GLTP: variants seen among roughly 807,000 people sequenced by gnomAD.
The protein encoded by GLTP is glycolipid transfer protein.
GLTP carries 22 observed loss-of-function variants against 24.0 expected under a neutral mutation model. That is an observed-to-expected ratio of 0.92 (90% CI 0.65 to 1.31). The LOEUF is 1.31. Among genes scored for constraint, GLTP ranks in the 50% most tolerant of loss-of-function variants. The pLI is 0.00. For synonymous variants in GLTP, 92 were observed against 115.9 expected (o/e 0.79, Z 1.33); for missense variants, 224 against 276.6 (o/e 0.81, Z 1.35).
intron 1 of GLTP, among the ~76,000 whole-genome samples, chr12:109,868,074 G>A (rs1868602166): frequency 6.6e-6 from 1 of 152,200 alleles, no homozygotes; most frequent in Admixed American, 6.5e-5. Context: ...ACCGCGCCTG[G>A]CCTCACTGCA....
rs764103671 is a variant in GLTP at position 109,852,521 on chromosome 12, C to T, written c.*34G>A. The T allele has an allele frequency of 1.0e-5, 15 of 1,432,170 alleles. 1 individual carries two copies. In the South Asian group the frequency reaches 1.6e-4, roughly 15 times the overall value. The allele number at this position is 1,432,170 out of a possible 1,614,324, so 88.7% of individuals were successfully genotyped here. On this transcript the variant is annotated 3_prime_UTR_variant, in exon 5 of 5. Coordinates refer to ENST00000318348, the MANE Select transcript of GLTP (RefSeq NM_016433.4). Reference sequence around the variant, plus strand: ...TGGTTTGCCTGTTTCTCCATGTGGCCACGAGTCGGGGACGTGTCCAGCAGT... The same window carrying T: ...TGGTTTGCCTGTTTCTCCATGTGGCTACGAGTCGGGGACGTGTCCAGCAGT...
intron 1 of GLTP, among the ~76,000 whole-genome samples, chr12:109,870,700 A>G (rs1283904232): frequency 6.6e-6 from 1 of 152,156 alleles, no homozygotes; most frequent in African/African-American, 2.4e-5. Flanking sequence ...TAGGGGTAAA[A>G]TTAGCAGAAA....
At chr12:109,873,112 T>C (rs977140116) in intron 1 of GLTP, among the ~76,000 whole-genome samples, 1 of 152,086 alleles carries the variant, frequency 6.6e-6, no homozygotes, top group Non-Finnish European at 1.5e-5. Flanking sequence ...AGTGTGGCCC[T>C]GGGAATCCAA....
At position 109,879,469 on chromosome 12, in the gene GLTP, C is replaced by T. The variant is rs540330589; in HGVS notation, c.103+803G>A. On this transcript the variant is annotated intron_variant, in intron 1 of 4. Transcript: ENST00000318348. ...CTGAAAGTGGACCGCCTTCCCAATG[C>T]GCCCAGGAACTTCCACACGACATAC... 6.6e-5 allele frequency among the ~76,000 whole-genome samples: 10 copies of T among 152,250 alleles called. No homozygotes were observed. In the East Asian group the frequency reaches 1.7e-3, roughly 26 times the overall value.
At chr12:109,861,943 C>A (rs1215619530) in intron 1 of GLTP, among the ~76,000 whole-genome samples, 1 of 152,198 alleles carries the variant, frequency 6.6e-6, no homozygotes, top group African/African-American at 2.4e-5. Context: ...TGACCTGTGC[C>A]CCTGCTGCTT....
chr12:109,855,805 T>C lies in GLTP; in HGVS notation c.297-36A>G. On this transcript the variant is annotated intron_variant, in intron 3 of 4. Transcript: ENST00000318348. This position sits in a 1 kb window ranked among gnomAD's most constrained non-coding sequence, Gnocchi z 4.1. The stretch of plus-strand genomic sequence containing the variant: ...GGGAGGAGAAGGTTCGTTAGGACCC[T>C]GCACAGCCCTGTCGTGAAAGACCCT... The C allele has an allele frequency of 6.6e-7, 1 of 1,515,068 alleles. No individual in the cohort carries two copies. Among genetic ancestry groups the C allele is most frequent in the Non-Finnish European group, 8.8e-7 (1 of 1,129,968 alleles). The allele number at this position is 1,515,068 out of a possible 1,614,324, so 93.9% of individuals were successfully genotyped here.
chr12:109,873,816 A>AC (rs1868802949), intron 1 of GLTP, among the ~76,000 whole-genome samples: 1 of 149,804 alleles, frequency 6.7e-6, no homozygotes, highest in South Asian at 2.1e-4. Flanking sequence ...CTCTTAAACA[A>AC]AACACACACA....
Position 109,880,512 on chromosome 12 carries a change from C to G in GLTP, c.-138G>C, listed in dbSNP as rs982463349. 3 of 193,184 alleles carry G rather than the reference C, an allele frequency of 1.6e-5. No individual in the cohort carries two copies. The highest frequency in any genetic ancestry group is 1.5e-4 in the East Asian group (1 of 6,740). 12.0% of individuals were successfully genotyped at this position (193,184 alleles called of 1,614,324 possible). The stretch of plus-strand genomic sequence containing the variant: ...GGGGACGCCAGCGTCGCCACTTCCG[C>G]CCGCACGGCGCCCTCGTAGCCGAGC... On this transcript the variant is annotated 5_prime_UTR_variant, in exon 1 of 5. Coordinates refer to ENST00000318348, the MANE Select transcript of GLTP (RefSeq NM_016433.4). This position sits in a 1 kb window ranked among gnomAD's most constrained non-coding sequence, Gnocchi z 5.1.
chr12:109,854,655 G>A (rs1892773382), intron 4 of GLTP, among the ~76,000 whole-genome samples: 1 of 152,180 alleles, frequency 6.6e-6, no homozygotes, highest in Non-Finnish European at 1.5e-5. Flanking sequence ...TACAATTCAT[G>A]GGCAGCTGCC....
Position 109,851,584 on chromosome 12 carries a change from A to C in GLTP, c.*971T>G, listed in dbSNP as rs1309497251. 3.3e-5 allele frequency: 5 copies of C among 152,106 alleles called. No individual in the cohort carries two copies. The highest frequency in any genetic ancestry group is 1.2e-4 in the African/African-American group (5 of 41,426). 9.4% of individuals were successfully genotyped at this position (152,106 alleles called of 1,614,324 possible). A position where few individuals can be genotyped will look rare whatever the true frequency, so the allele number is the denominator to read the frequency against. On this transcript the variant is annotated 3_prime_UTR_variant, in exon 5 of 5. Transcript: ENST00000318348. ...ATAACAATACAGCGAGAGCCTCATAAGGTCACGTGCTTTTTTTTCTTTTTT... is the reference window on the plus strand; with the variant it reads ...ATAACAATACAGCGAGAGCCTCATACGGTCACGTGCTTTTTTTTCTTTTTT...
chr12:109,855,712 C>G lies in GLTP; in HGVS notation c.354G>C (p.Glu118Asp), dbSNP rs775970471. The change falls in exon 4 of 5, where the codon GAG becomes GAC. Residue 118 changes from glutamate to aspartate, a missense_variant. Transcript: ENST00000318348. The surrounding 1 kb of genome is among the most constrained non-coding windows in gnomAD (Gnocchi z 4.1). The stretch of plus-strand genomic sequence containing the variant: ...TGACACGGATGAGGTTGGGGTGGTT[C>G]TCGTCCCGCTCCCCGTCGCAGATGC... ...LQSICDGERD[E>D]NHPNLIRVNA... 6.2e-7 allele frequency: 1 copy of G among 1,609,274 alleles called. No individual in the cohort carries two copies. The highest frequency in any genetic ancestry group is 8.5e-7 in the Non-Finnish European group (1 of 1,177,964).
chr12:109,874,014 G>A (rs1247617914), intron 1 of GLTP, among the ~76,000 whole-genome samples: 1 of 152,222 alleles, frequency 6.6e-6, no homozygotes, highest in East Asian at 1.9e-4. Flanking sequence ...CACTTGTCAT[G>A]TGGACAAGTC....
intron 1 of GLTP, among the ~76,000 whole-genome samples, chr12:109,874,401 CTATT>C (rs1278505910): frequency 6.6e-6 from 1 of 152,184 alleles, no homozygotes; most frequent in East Asian, 1.9e-4. Context: ...CACTCTAGGA[CTATT>C]TAATGCGTGC....
At chr12:109,874,595 C>T (rs1298586683) in intron 1 of GLTP, among the ~76,000 whole-genome samples, 1 of 152,130 alleles carries the variant, frequency 6.6e-6, no homozygotes, top group Admixed American at 6.6e-5. Context: ...TCATCTCATG[C>T]AGCACTCTAA....
chr12:109,866,854 G>A (rs1203800180), intron 1 of GLTP, among the ~76,000 whole-genome samples: 2 of 150,658 alleles, frequency 1.3e-5, no homozygotes, highest in Admixed American at 6.6e-5. Context: ...GGAACTCCTG[G>A]TCTCAAGCAA....
Position 109,858,715 on chromosome 12 carries a change from G to T in GLTP, c.130C>A (p.Pro44Thr). 2 of 1,612,426 alleles carry T rather than the reference G, an allele frequency of 1.2e-6. No individual in the cohort carries two copies. Among genetic ancestry groups the T allele is most frequent in the South Asian group, 2.2e-5 (2 of 91,018 alleles). Residue 44 changes from proline to threonine, a missense_variant, in exon 2 of 5, where the codon CCC becomes ACC. Physicochemically the swap from Pro to Thr is conservative, Grantham distance 38. Coordinates refer to ENST00000318348, the MANE Select transcript of GLTP (RefSeq NM_016433.4). ...TTGCCGCTTATGTCTGCCTTGATGG[G>T]AGTAAACACTGGGGACCCAAGGCAA... ...FDCLGSPVFT[P>T]IKADISGNIT...
intron 3 of GLTP, among the ~76,000 whole-genome samples, chr12:109,856,641 G>A (rs1892799968): frequency 6.6e-6 from 1 of 152,214 alleles, no homozygotes; most frequent in Non-Finnish European, 1.5e-5. Context: ...AGTGGGGTGG[G>A]GATCAAGTCA....
In GLTP at chr12:109,880,415, C is replaced by A; in HGVS notation, c.-41G>T. The A allele has an allele frequency of 1.4e-6, 1 of 737,562 alleles. No homozygotes were observed. The allele number at this position is 737,562 out of a possible 1,614,324, so 45.7% of individuals were successfully genotyped here. A position where few individuals can be genotyped will look rare whatever the true frequency, so the allele number is the denominator to read the frequency against. On this transcript the variant is annotated 5_prime_UTR_variant, in exon 1 of 5. Coordinates refer to ENST00000318348, the MANE Select transcript of GLTP (RefSeq NM_016433.4). The surrounding 1 kb of genome is among the most constrained non-coding windows in gnomAD (Gnocchi z 5.1). The stretch of plus-strand genomic sequence containing the variant: ...CGCGGTGATGCCCCAGCCGGCGCCG[C>A]GGGCGTCGACACCGCCCCCCCGGCC...
At chr12:109,870,448 T>TG (rs1656698779) in intron 1 of GLTP, among the ~76,000 whole-genome samples, 2 of 151,160 alleles carry the variant, frequency 1.3e-5, no homozygotes, top group African/African-American at 4.9e-5. Flanking sequence ...CCAGCCTTGG[T>TG]GACAGAGCAA....
Sources: allele counts gnomAD v4.1 joint callset (sites outside exome capture counted in the v4.1 genomes callset), GRCh38; gene constraint gnomAD v4.1.1; non-coding constraint Gnocchi (gnomAD v3.1); transcripts MANE v1.5; gene names NCBI Gene and HGNC (gene_info 2026-07-23, HGNC 2026-07-21).